The following CCSER1 variants were observed in gnomAD, a reference collection of about 807,000 sequenced individuals.
CCSER1 encodes coiled-coil serine rich protein 1.
In CCSER1, 41 loss-of-function variants were observed where a neutral mutation model predicts 82.0. That is an observed-to-expected ratio of 0.50 (90% CI 0.39 to 0.65). CCSER1 has a LOEUF of 0.65. Ranked by LOEUF, CCSER1 falls within the 30% of genes least tolerant of loss-of-function variation. The pLI is 0.00. For synonymous variants in CCSER1, 414 were observed against 383.9 expected (o/e 1.08, Z -0.92); for missense variants, 1,119 against 1,064.2 (o/e 1.05, Z -0.72).
intron 7 of CCSER1, among the ~76,000 whole-genome samples, chr4:90,811,995 C>CACACACACACATATATATATAT (rs367800484): frequency 0.098 from 13,909 of 141,960 alleles, 917 homozygotes; most frequent in Non-Finnish European, 0.14. Flanking sequence ...TATATAAACA[C>CACACACACACATATATATATAT]ATATATATAT....
rs944687040 is a variant in CCSER1, at chr4:90,244,672, C to T, written c.-41-63572C>T. 3.9e-5 allele frequency among the ~76,000 whole-genome samples: 6 copies of T among 152,050 alleles called. No individual in the cohort carries two copies. In the South Asian group the frequency reaches 1.0e-3, roughly 26 times the overall value. ...CAGGAAAAGCTGCCATTTATAAAAC[C>T]ATCAGATCTCATGAGAGTTCACTCA... On this transcript the variant is annotated intron_variant, in intron 1 of 10. Transcript: ENST00000509176.
chr4:90,287,144 A>G (rs1454925383), intron 1 of CCSER1, among the ~76,000 whole-genome samples: 2 of 151,952 alleles, frequency 1.3e-5, no homozygotes, highest in Non-Finnish European at 1.5e-5. Context: ...AAAAGAAGCA[A>G]TAGAATCATT....
At chr4:91,129,208 T>G (rs1210157688) in intron 10 of CCSER1, among the ~76,000 whole-genome samples, 1 of 152,050 alleles carries the variant, frequency 6.6e-6, no homozygotes, top group Non-Finnish European at 1.5e-5. Flanking sequence ...CTGTGTTAGT[T>G]TGCTGAGGAT....
At chr4:90,198,105 C>T (rs1736946053) in intron 1 of CCSER1, among the ~76,000 whole-genome samples, 1 of 152,086 alleles carries the variant, frequency 6.6e-6, no homozygotes, top group Admixed American at 6.6e-5. Flanking sequence ...ATATAGAAAT[C>T]TGCCCTTTTA....
chr4:90,565,035 ATTT>A (rs559940576), intron 5 of CCSER1, among the ~76,000 whole-genome samples: 1 of 141,006 alleles, frequency 7.1e-6, no homozygotes, highest in Non-Finnish European at 1.6e-5. Context: ...CAAAGTTCAG[ATTT>A]TTTTTTTTTT....
chr4:91,325,106 G>C (rs1312625175), intron 10 of CCSER1: 1 of 452,806 alleles, frequency 2.2e-6, no homozygotes. Flanking sequence ...TTTACCAAGA[G>C]GGAGTACCTT....
chr4:91,103,368 C>T (rs528405295), intron 10 of CCSER1, among the ~76,000 whole-genome samples: 16 of 152,306 alleles, frequency 1.1e-4, no homozygotes, highest in African/African-American at 3.6e-4. Flanking sequence ...GTGATCACCA[C>T]ATCCTCACCT....
At chr4:91,308,051 T>C (rs555983513) in intron 10 of CCSER1, among the ~76,000 whole-genome samples, 1 of 152,106 alleles carries the variant, frequency 6.6e-6, no homozygotes, top group South Asian at 2.1e-4. Flanking sequence ...TGCTAAAATT[T>C]TGGAAAATAA....
chr4:90,520,115 T>A (rs1314111523), intron 5 of CCSER1, among the ~76,000 whole-genome samples: 1 of 151,980 alleles, frequency 6.6e-6, no homozygotes, highest in African/African-American at 2.4e-5. Flanking sequence ...TCATATGAGG[T>A]AACCTATGAT....
intron 10 of CCSER1, among the ~76,000 whole-genome samples, chr4:91,470,602 A>C (rs1293258668): frequency 6.6e-6 from 1 of 152,134 alleles, no homozygotes; most frequent in Non-Finnish European, 1.5e-5. Context: ...CCTAGCCAGC[A>C]TATAGACTTT....
chr4:90,538,641 G>T (rs566110694), intron 5 of CCSER1, among the ~76,000 whole-genome samples: 3 of 151,796 alleles, frequency 2.0e-5, no homozygotes, highest in Non-Finnish European at 4.4e-5. Flanking sequence ...CAACCTTAAC[G>T]GCTAGCTCAT....
At chr4:90,407,354 G>A (rs1247320831) in intron 4 of CCSER1, among the ~76,000 whole-genome samples, 1 of 152,136 alleles carries the variant, frequency 6.6e-6, no homozygotes, top group African/African-American at 2.4e-5. Flanking sequence ...AGCTTGAAAT[G>A]ATAATTTAAA....
At chr4:91,364,199 T>A (rs1048531471) in intron 10 of CCSER1, among the ~76,000 whole-genome samples, 1 of 152,074 alleles carries the variant, frequency 6.6e-6, no homozygotes, top group African/African-American at 2.4e-5. Context: ...CAACTTTGTT[T>A]TAAATAGCAT....
intron 10 of CCSER1, among the ~76,000 whole-genome samples, chr4:91,594,838 GTTCT>G (rs1294130881): frequency 2.0e-5 from 3 of 152,020 alleles, no homozygotes; most frequent in African/African-American, 4.8e-5. Flanking sequence ...CAGGTTCAGT[GTTCT>G]TTCTATTAGC....
chr4:90,182,449 G>A (rs1007111000), intron 1 of CCSER1, among the ~76,000 whole-genome samples: 1 of 152,050 alleles, frequency 6.6e-6, no homozygotes, highest in Non-Finnish European at 1.5e-5. Flanking sequence ...ATTCTTTACC[G>A]ATGTCTCTCT....
intron 8 of CCSER1, among the ~76,000 whole-genome samples, chr4:90,856,813 G>T (rs1186963569): frequency 1.3e-5 from 2 of 151,984 alleles, no homozygotes; most frequent in African/African-American, 2.4e-5. Flanking sequence ...AATGTATTCT[G>T]ATATGTATAA....
chr4:90,907,479 T>C (rs957056252), intron 8 of CCSER1, among the ~76,000 whole-genome samples: 2 of 152,142 alleles, frequency 1.3e-5, no homozygotes, highest in Non-Finnish European at 1.5e-5. Flanking sequence ...ATCGTCATCC[T>C]TTGGATGAAT....
At chr4:90,853,731 A>C (rs2149945749) in intron 8 of CCSER1, among the ~76,000 whole-genome samples, 1 of 152,300 alleles carries the variant, frequency 6.6e-6, no homozygotes, top group African/African-American at 2.4e-5. Context: ...CTGAGGAATA[A>C]TACATAGTGT....
chr4:90,859,788 C>T (rs1764862842), intron 8 of CCSER1, among the ~76,000 whole-genome samples: 1 of 151,660 alleles, frequency 6.6e-6, no homozygotes, highest in African/African-American at 2.4e-5. Flanking sequence ...TATTTAAGGA[C>T]TGTTATGAGA....
Sources: gnomAD v4.1 joint callset for allele counts (sites outside exome capture counted in the v4.1 genomes callset) on GRCh38, gnomAD v4.1.1 for gene constraint, MANE v1.5 for transcripts, NCBI Gene and HGNC (gene_info 2026-07-23, HGNC 2026-07-21) for gene names.